SPACA7: variants seen among roughly 807,000 people sequenced by gnomAD.
SPACA7 encodes sperm acrosome associated 7.
In SPACA7, 19 loss-of-function variants were observed where a neutral mutation model predicts 26.3. The ratio of observed to expected loss-of-function variants is 0.72; its 90% confidence interval spans 0.50 to 1.06. The LOEUF is 1.06. Ranked by LOEUF, SPACA7 falls within the 50% of genes least tolerant of loss-of-function variation. SPACA7 has a pLI of 0.00. For missense variants in SPACA7, 211 were observed against 229.9 expected (o/e 0.92, Z 0.53); for synonymous variants, 84 against 84.5 (o/e 0.99, Z 0.04).
chr13:112,420,747 C>G (rs993874364), intron 5 of SPACA7, among the ~76,000 whole-genome samples: 1 of 152,048 alleles, frequency 6.6e-6, no homozygotes, highest in African/African-American at 2.4e-5. Context: ...TACGTTTAAA[C>G]ACAGAGACAC....
chr13:112,413,299 G>T (rs1486918455), intron 5 of SPACA7, among the ~76,000 whole-genome samples: 2 of 151,904 alleles, frequency 1.3e-5, no homozygotes, highest in Non-Finnish European at 2.9e-5. Flanking sequence ...TTGTTTGTCT[G>T]GGAAAGTATT....
rs115090262 is a variant in SPACA7 at position 112,376,431 on chromosome 13, C to T, written c.46C>T (p.Leu16=). The T allele has an allele frequency of 6.2e-4, 995 of 1,613,904 alleles. 5 individuals are homozygous for T. In the African/African-American group the frequency reaches 0.012, roughly 19 times the overall value. The part of the protein sequence containing the change: ...GDGTLCFVLL[L]CCWQETELRP... ...CGGGACCCTCTGCTTTGTCCTCCTG[C>T]TGTGCTGTTGGCAAGAAACTGAGCT... The change falls in exon 1 of 7, where the codon CTG becomes TTG. Residue 16 remains leucine, a synonymous_variant. Transcript: ENST00000283550.
intron 5 of SPACA7, among the ~76,000 whole-genome samples, chr13:112,416,545 T>G (rs1186135101): frequency 1.3e-5 from 2 of 152,094 alleles, no homozygotes; most frequent in Admixed American, 6.6e-5. Context: ...CCTTGGCCTC[T>G]CAAAGTGCTG....
chr13:112,390,618 C>T (rs1425800694), intron 1 of SPACA7, among the ~76,000 whole-genome samples: 4 of 152,196 alleles, frequency 2.6e-5, no homozygotes, highest in African/African-American at 9.6e-5. Context: ...CCTCAGGAAA[C>T]TTACAATCAT....
chr13:112,400,464 T>G (rs553956919), intron 4 of SPACA7, among the ~76,000 whole-genome samples: 1 of 152,336 alleles, frequency 6.6e-6, no homozygotes, highest in Admixed American at 6.5e-5. Context: ...CCCCTGTTTA[T>G]GTATTCGGTT....
intron 5 of SPACA7, among the ~76,000 whole-genome samples, chr13:112,403,015 T>C (rs1490734959): frequency 2.0e-5 from 3 of 152,074 alleles, no homozygotes; most frequent in African/African-American, 7.2e-5. Context: ...AAATTTATAA[T>C]AAAAATTAGA....
chr13:112,420,861 A>G (rs1875884595), intron 5 of SPACA7, among the ~76,000 whole-genome samples: 1 of 152,146 alleles, frequency 6.6e-6, no homozygotes, highest in Non-Finnish European at 1.5e-5. Context: ...GAAAAAAACC[A>G]AGATAGGAAT....
chr13:112,410,996 A>G (rs1487565469), intron 5 of SPACA7, among the ~76,000 whole-genome samples: 3 of 152,142 alleles, frequency 2.0e-5, no homozygotes, highest in Non-Finnish European at 4.4e-5. Flanking sequence ...ATATACTTGG[A>G]TCTTACTTTC....
chr13:112,410,902 T>C (rs2139002344), intron 5 of SPACA7, among the ~76,000 whole-genome samples: 1 of 152,298 alleles, frequency 6.6e-6, no homozygotes, highest in South Asian at 2.1e-4. Context: ...CAATCCAGTG[T>C]CCACTGACGA....
chr13:112,434,546 G>T lies in SPACA7; in HGVS notation c.585G>T (p.Gln195His), dbSNP rs756244011. Reference sequence around the variant, plus strand: ...CACAGAGGAGGAGCCAAGGCAGTCAGTGAGGCCGCAGCCCCAGACCCCCTG... The same window carrying T: ...CACAGAGGAGGAGCCAAGGCAGTCATTGAGGCCGCAGCCCCAGACCCCCTG... ...TSAQRRSQGS[Q>H] Residue 195 changes from glutamine to histidine, a missense_variant, in exon 7 of 7, where the codon CAG becomes CAT. Coordinates refer to ENST00000283550, the MANE Select transcript of SPACA7 (RefSeq NM_145248.5). 1.2e-6 allele frequency: 2 copies of T among 1,605,810 alleles called. No homozygotes were observed. The highest frequency in any genetic ancestry group is 2.2e-5 in the East Asian group (1 of 44,676).
intron 6 of SPACA7, among the ~76,000 whole-genome samples, chr13:112,433,789 C>T (rs1489531517): frequency 6.6e-6 from 1 of 152,316 alleles, no homozygotes. Context: ...CAGCAGGGAC[C>T]AGGCCAACAC....
intron 1 of SPACA7, among the ~76,000 whole-genome samples, chr13:112,391,577 C>G (rs945640312): frequency 6.6e-6 from 1 of 152,146 alleles, no homozygotes; most frequent in Non-Finnish European, 1.5e-5. Context: ...ACATGGCGTG[C>G]GGCACCTTAA....
intron 5 of SPACA7, among the ~76,000 whole-genome samples, chr13:112,428,339 G>A (rs1159943518): frequency 6.6e-6 from 1 of 152,134 alleles, no homozygotes; most frequent in African/African-American, 2.4e-5. Flanking sequence ...CAGCACTTTG[G>A]GAGGCCAAGG....
At chr13:112,402,466 A>C (rs1171675479) in intron 5 of SPACA7, among the ~76,000 whole-genome samples, 1 of 152,182 alleles carries the variant, frequency 6.6e-6, no homozygotes, top group East Asian at 1.9e-4. Flanking sequence ...CTGTATTATC[A>C]TCTGTTAAAT....
At chr13:112,409,493 T>C (rs1886206283) in intron 5 of SPACA7, among the ~76,000 whole-genome samples, 1 of 151,706 alleles carries the variant, frequency 6.6e-6, no homozygotes, top group South Asian at 2.1e-4. Flanking sequence ...ATCCAGAATC[T>C]ACAAAGAACT....
chr13:112,400,691 C>T (rs111787124), intron 4 of SPACA7, among the ~76,000 whole-genome samples: 2,096 of 152,334 alleles, frequency 0.014, 46 homozygotes, highest in African/African-American at 0.048. Flanking sequence ...CTCCTTTCTT[C>T]CTACCCCAGT....
At chr13:112,421,037 G>A (rs969056103) in intron 5 of SPACA7, among the ~76,000 whole-genome samples, 3 of 151,944 alleles carry the variant, frequency 2.0e-5, no homozygotes, top group Admixed American at 6.6e-5. Context: ...ATAACACATC[G>A]TTAGCAGATC....
chr13:112,430,174 C>CTGTGTGTGTG (rs61438595), intron 5 of SPACA7, among the ~76,000 whole-genome samples: 4,626 of 134,244 alleles, frequency 0.034, 84 homozygotes, highest in South Asian at 0.057. Flanking sequence ...ATCTCTCTCT[C>CTGTGTGTGTG]TGTGTGTGTG....
intron 5 of SPACA7, among the ~76,000 whole-genome samples, chr13:112,426,603 G>T (rs1334146783): frequency 6.6e-6 from 1 of 152,058 alleles, no homozygotes; most frequent in African/African-American, 2.4e-5. Context: ...TAAAGATCTG[G>T]CATATATTTT....
Sources: allele counts gnomAD v4.1 joint callset (sites outside exome capture counted in the v4.1 genomes callset), GRCh38; gene constraint gnomAD v4.1.1; transcripts MANE v1.5; gene names NCBI Gene and HGNC (gene_info 2026-07-23, HGNC 2026-07-21).